Variants in REEP1 observed in about 807,000 individuals in gnomAD.
The protein encoded by REEP1 is receptor expression-enhancing protein 1.
Under a neutral mutation model 40.3 loss-of-function variants are expected in REEP1, and 22 were observed. The observed-to-expected ratio is 0.55, with a 90% confidence interval of 0.39 to 0.78. The LOEUF is 0.78. REEP1 is among the 30% of genes least tolerant of loss of function. The pLI, the probability that REEP1 is intolerant of heterozygous loss-of-function variation, is 0.00. For synonymous variants in REEP1, 116 were observed against 139.2 expected (o/e 0.83, Z 1.17); for missense variants, 280 against 361.1 (o/e 0.78, Z 1.82).
At chr2:86,313,295 CTTTTCTTTTTT>C (rs1679849394) in intron 1 of REEP1, among the ~76,000 whole-genome samples, 4 of 135,184 alleles carry the variant, frequency 3.0e-5, no homozygotes, top group Middle Eastern at 3.8e-3. Context: ...TTTTTCTTTT[CTTTTCTTTTTT>C]TTTTTTTTGG....
intron 5 of REEP1, among the ~76,000 whole-genome samples, chr2:86,235,510 C>T (rs1558877336): frequency 6.6e-6 from 1 of 152,160 alleles, no homozygotes; most frequent in Non-Finnish European, 1.5e-5. Flanking sequence ...ACAAAGGTTG[C>T]TATTGAAAGC....
At chr2:86,234,575 G>A (rs1417034915) in intron 5 of REEP1, among the ~76,000 whole-genome samples, 1 of 152,090 alleles carries the variant, frequency 6.6e-6, no homozygotes, top group Non-Finnish European at 1.5e-5. Flanking sequence ...ACTAAAATAT[G>A]AACTAGATCT....
At chr2:86,272,043 T>G (rs1404442138) in intron 2 of REEP1, among the ~76,000 whole-genome samples, 1 of 152,108 alleles carries the variant, frequency 6.6e-6, no homozygotes, top group Non-Finnish European at 1.5e-5. Context: ...ACCAACATGG[T>G]GAAACCCCGT....
chr2:86,241,813 A>T (rs1675679409), intron 5 of REEP1, among the ~76,000 whole-genome samples: 1 of 152,172 alleles, frequency 6.6e-6, no homozygotes, highest in South Asian at 2.1e-4. Context: ...GCAGGTGCTC[A>T]TGTGTCATAA....
intron 6 of REEP1, among the ~76,000 whole-genome samples, chr2:86,228,522 G>A (rs1674844767): frequency 6.6e-6 from 1 of 150,758 alleles, no homozygotes; most frequent in Admixed American, 6.6e-5. Context: ...GCAATGGCAT[G>A]ATCTCAGCTC....
At chr2:86,264,082 A>G in intron 2 of REEP1, 41 bp from the exon 3 acceptor site, 1 of 1,501,754 alleles carries the variant, frequency 6.7e-7, no homozygotes, top group Non-Finnish European at 9.3e-7. Context: ...GAAAAGGTCC[A>G]GGAAAAACAC....
At chr2:86,280,042 G>A (rs1677984703) in intron 2 of REEP1, 1 of 456,222 alleles carries the variant, frequency 2.2e-6, no homozygotes, top group Admixed American at 2.3e-5. Flanking sequence ...GATTATTCAG[G>A]CGACAGGGAT....
chr2:86,244,583 G>C (rs1253061042), intron 5 of REEP1, among the ~76,000 whole-genome samples: 1 of 152,122 alleles, frequency 6.6e-6, no homozygotes, highest in African/African-American at 2.4e-5. Flanking sequence ...TAAAGAGGAA[G>C]AAGAAATAAG....
chr2:86,296,956 C>T (rs532746278), intron 1 of REEP1, among the ~76,000 whole-genome samples: 377 of 152,358 alleles, frequency 2.5e-3, no homozygotes, highest in Middle Eastern at 0.01. Flanking sequence ...ACAATCAAAA[C>T]AGCGAGGGAC....
chr2:86,311,198 T>C (rs1340944219), intron 1 of REEP1, among the ~76,000 whole-genome samples: 1 of 140,614 alleles, frequency 7.1e-6, no homozygotes, highest in African/African-American at 3.3e-5. Flanking sequence ...TTAAAATAAT[T>C]GTGAGCACTA....
intron 1 of REEP1, among the ~76,000 whole-genome samples, chr2:86,293,729 T>A (rs762906773): frequency 9.2e-5 from 14 of 152,264 alleles, no homozygotes; most frequent in Admixed American, 2.6e-4. Flanking sequence ...TATGACACCA[T>A]GTGAACAAAC....
At chr2:86,288,831 G>A (rs1044403499) in intron 1 of REEP1, among the ~76,000 whole-genome samples, 1 of 152,094 alleles carries the variant, frequency 6.6e-6, no homozygotes. Context: ...GGTATCCCAT[G>A]TTTGTTTCAA....
chr2:86,250,940 A>C (rs1004996873), intron 5 of REEP1, among the ~76,000 whole-genome samples: 1 of 152,214 alleles, frequency 6.6e-6, no homozygotes, highest in Non-Finnish European at 1.5e-5. Context: ...TTCATAGAGC[A>C]CCAAGATCTG....
chr2:86,240,079 A>T (rs1675591833), intron 5 of REEP1: 1 of 152,612 alleles, frequency 6.6e-6, no homozygotes, highest in Admixed American at 6.5e-5. Context: ...CACCTGATAA[A>T]GGGGAAAAGG....
intron 5 of REEP1, among the ~76,000 whole-genome samples, chr2:86,240,767 G>A (rs545295678): frequency 6.6e-6 from 1 of 152,348 alleles, no homozygotes; most frequent in South Asian, 2.1e-4. Flanking sequence ...GATATGCCAC[G>A]TGGCACATAC....
intron 1 of REEP1, among the ~76,000 whole-genome samples, chr2:86,295,806 T>C (rs1678953767): frequency 6.6e-6 from 1 of 152,224 alleles, no homozygotes; most frequent in African/African-American, 2.4e-5. Context: ...CCCAAGGTGC[T>C]AGGATTACAG....
chr2:86,221,232 T>C (rs980243477), intron 7 of REEP1, among the ~76,000 whole-genome samples: 1 of 152,108 alleles, frequency 6.6e-6, no homozygotes, highest in Non-Finnish European at 1.5e-5. Flanking sequence ...TGAACCCTAA[T>C]CTTGGGCAGC....
intron 1 of REEP1, among the ~76,000 whole-genome samples, chr2:86,298,802 T>C (rs562553912): frequency 2.0e-5 from 3 of 152,334 alleles, no homozygotes; most frequent in African/African-American, 4.8e-5. Context: ...GGAAGGAGAA[T>C]GGTCAAAAGG....
At chr2:86,337,894 G>A, upstream of REEP1, 1 of 986,146 alleles carries the variant, frequency 1.0e-6, no homozygotes. This position sits in a 1 kb window ranked among gnomAD's most constrained non-coding sequence, Gnocchi z 5.8. Context: ...CCCGGGTGCT[G>A]CCCCACCCTC....
Sources: gnomAD v4.1 joint callset for allele counts (sites outside exome capture counted in the v4.1 genomes callset) on GRCh38, gnomAD v4.1.1 for gene constraint, Gnocchi (gnomAD v3.1) non-coding constraint, MANE v1.5 for transcripts, NCBI Gene and HGNC (gene_info 2026-07-23, HGNC 2026-07-21) for gene names.